ARFGEF3: variants seen among roughly 807,000 people sequenced by gnomAD.
ARFGEF3 encodes brefeldin A-inhibited guanine nucleotide-exchange protein 3.
In ARFGEF3, 96 loss-of-function variants were observed where a neutral mutation model predicts 221.7. That is an observed-to-expected ratio of 0.43 (90% CI 0.37 to 0.51). The LOEUF (loss-of-function observed/expected upper bound fraction) is 0.51, where lower values mean the gene tolerates loss of function less well. ARFGEF3 is among the 20% of genes least tolerant of loss of function. ARFGEF3 has a pLI of 0.00. For synonymous variants in ARFGEF3, 1,145 were observed against 1,126.8 expected, an observed-to-expected ratio of 1.02 and a Z score of -0.32; for missense variants, 2,410 against 2,789.9, an observed-to-expected ratio of 0.86 and a Z score of 3.07.
At chr6:138,188,140 G>C (rs547680073) in intron 2 of ARFGEF3, among the ~76,000 whole-genome samples, 2 of 152,276 alleles carry the variant, frequency 1.3e-5, no homozygotes, top group East Asian at 3.9e-4. Flanking sequence ...GGTTTTCGCA[G>C]ATTTTTGTGG....
intron 2 of ARFGEF3, among the ~76,000 whole-genome samples, chr6:138,193,886 T>G (rs377523250): frequency 6.4e-4 from 97 of 152,352 alleles, no homozygotes; most frequent in African/African-American, 2.3e-3. Flanking sequence ...ACCTGTCTTT[T>G]GTAGCATAGA....
chr6:138,227,760 C>CAATCTCAT (rs1778111849), intron 4 of ARFGEF3, among the ~76,000 whole-genome samples: 1 of 152,144 alleles, frequency 6.6e-6, no homozygotes, highest in Non-Finnish European at 1.5e-5. Flanking sequence ...TGCAAATAAG[C>CAATCTCAT]AAACAAGTCA....
chr6:138,295,465 CAAA>C (rs541897649), intron 20 of ARFGEF3, among the ~76,000 whole-genome samples: 2 of 125,906 alleles, frequency 1.6e-5, no homozygotes, highest in Non-Finnish European at 1.7e-5. Flanking sequence ...ACTAAAAATG[CAAA>C]AAAAAAAAAA....
intron 10 of ARFGEF3, among the ~76,000 whole-genome samples, chr6:138,261,224 A>AAG (rs957295831): frequency 6.6e-6 from 1 of 152,212 alleles, no homozygotes; most frequent in African/African-American, 2.4e-5. Context: ...AATATTACTA[A>AAG]AGAACAGAGA....
chr6:138,285,017 A>T, intron 14 of ARFGEF3, among the ~76,000 whole-genome samples: 1 of 152,238 alleles, frequency 6.6e-6, no homozygotes, highest in East Asian at 1.9e-4. Context: ...CCAATGTCTT[A>T]TATGCAGTTC....
chr6:138,196,252 T>C (rs1777417082), intron 2 of ARFGEF3, among the ~76,000 whole-genome samples: 1 of 152,204 alleles, frequency 6.6e-6, no homozygotes, highest in Non-Finnish European at 1.5e-5. Flanking sequence ...GGATAGGTCC[T>C]AAGAAATATG....
chr6:138,229,859 A>T lies in ARFGEF3; in HGVS notation c.420+7A>T. On this transcript the variant is annotated splice_region_variant and intron_variant, in intron 5 of 33. Coordinates refer to ENST00000251691, the MANE Select transcript of ARFGEF3 (RefSeq NM_020340.5). ...CGTGCTGAAGATCGCGGAGGTGAGT[A>T]CTGCTTGTGTCTGTGCCTCCTGTTC... 2 of 1,612,530 alleles carry T rather than the reference A, an allele frequency of 1.2e-6. No individual in the cohort carries two copies. Among genetic ancestry groups the T allele is most frequent in the Non-Finnish European group, 1.7e-6 (2 of 1,178,708 alleles).
intron 5 of ARFGEF3, among the ~76,000 whole-genome samples, chr6:138,237,797 A>G (rs1778315106): frequency 1.3e-5 from 2 of 152,232 alleles, no homozygotes; most frequent in South Asian, 2.1e-4. Context: ...TAGAAGCCCC[A>G]TGTCCCAAAT....
chr6:138,289,173 G>A (rs925142171), intron 17 of ARFGEF3, among the ~76,000 whole-genome samples: 3 of 152,124 alleles, frequency 2.0e-5, no homozygotes, highest in Non-Finnish European at 2.9e-5. Context: ...GGCTGGTCTC[G>A]AACTCCCAAC....
intron 14 of ARFGEF3, among the ~76,000 whole-genome samples, chr6:138,280,409 A>G (rs1231069968): frequency 6.6e-6 from 1 of 152,126 alleles, no homozygotes; most frequent in East Asian, 1.9e-4. Flanking sequence ...CTAACTTAGC[A>G]CCTTTGTCTG....
chr6:138,296,771 T>C (rs1274917239), intron 20 of ARFGEF3, 39 bp from the exon 21 acceptor site: 1 of 1,603,806 alleles, frequency 6.2e-7, no homozygotes, highest in Non-Finnish European at 8.5e-7. Context: ...TATGTCTGAG[T>C]TTTGGCTTTC....
Position 138,280,114 on chromosome 6 carries a change from A to C in ARFGEF3, c.2411A>C (p.Tyr804Ser). 6.2e-7 allele frequency: 1 copy of C among 1,613,856 alleles called. No individual in the cohort carries two copies. The highest frequency in any genetic ancestry group is 1.1e-5 in the South Asian group (1 of 91,076). The change falls in exon 14 of 34, where the codon TAT (tyrosine) becomes TCT (serine). Residue 804 changes from tyrosine to serine, a missense_variant. Transcript: ENST00000251691. ...LDRNMLGEAG[Y>S]WGSPEDNSLP... is the part of the protein sequence containing the mutation. The stretch of plus-strand genomic sequence containing the variant: ...AGGAACATGCTTGGAGAGGCTGGCT[A>C]TTGGGGCAGCCCAGAAGATAACAGC...
chr6:138,176,340 A>G, intron 2 of ARFGEF3, among the ~76,000 whole-genome samples: 1 of 151,032 alleles, frequency 6.6e-6, no homozygotes, highest in East Asian at 1.9e-4. Flanking sequence ...GCGCCACCAC[A>G]CCCGGCCAAT....
In ARFGEF3 at chr6:138,341,437, CA is replaced by C; in HGVS notation, c.*4952del. The C allele has an allele frequency of 1.3e-5, 2 of 154,942 alleles. No homozygotes were observed. Among genetic ancestry groups the C allele is most frequent in the Middle Eastern group, 1.0e-3 (2 of 1,926 alleles). 9.6% of individuals were successfully genotyped at this position (154,942 alleles called of 1,614,324 possible). A position where few individuals can be genotyped will look rare whatever the true frequency, so the allele number is the denominator to read the frequency against. ...CTTGTTTTACAGACAAGGTAACAGG[CA>C]GAAGGAAAATCCAGAGTCTTGCAGT... On this transcript the variant is annotated 3_prime_UTR_variant, in exon 34 of 34. Transcript: ENST00000251691.
intron 31 of ARFGEF3, 43 bp from the exon 32 acceptor site, chr6:138,327,978 A>G: frequency 6.6e-7 from 1 of 1,524,940 alleles, no homozygotes. Context: ...GGTCAAGCAG[A>G]GGACACTGGA....
At chr6:138,175,558 A>G (rs534142135) in intron 2 of ARFGEF3, among the ~76,000 whole-genome samples, 53 of 152,296 alleles carry the variant, frequency 3.5e-4, no homozygotes, top group African/African-American at 1.2e-3. Flanking sequence ...GCAAAAGCCC[A>G]CTCAGGATGT....
intron 2 of ARFGEF3, among the ~76,000 whole-genome samples, chr6:138,202,705 T>A (rs1777560032): frequency 6.6e-6 from 1 of 152,192 alleles, no homozygotes. Flanking sequence ...AACCCTGTTT[T>A]TAAGCATTTC....
intron 12 of ARFGEF3, among the ~76,000 whole-genome samples, chr6:138,272,579 G>T (rs937671793): frequency 2.0e-5 from 3 of 152,196 alleles, no homozygotes; most frequent in African/African-American, 7.2e-5. Context: ...TCTCAGCCTG[G>T]TGTTATCACA....
chr6:138,232,153 A>G (rs1176029087), intron 5 of ARFGEF3, among the ~76,000 whole-genome samples: 1 of 152,222 alleles, frequency 6.6e-6, no homozygotes. Flanking sequence ...TTTCCAAGGA[A>G]AGTTACCTTC....
Sources: gnomAD v4.1 joint callset for allele counts (sites outside exome capture counted in the v4.1 genomes callset) on GRCh38, gnomAD v4.1.1 for gene constraint, MANE v1.5 for transcripts, NCBI Gene and HGNC (gene_info 2026-07-23, HGNC 2026-07-21) for gene names.